The following FOXK2 variants were observed in gnomAD, a reference collection of about 807,000 sequenced individuals.
FOXK2 encodes forkhead box protein K2.
A neutral mutation model predicts 53.3 loss-of-function variants in FOXK2; 24 were observed. That is an observed-to-expected ratio of 0.45 (90% CI 0.33 to 0.63). FOXK2 has a LOEUF of 0.63. Ranked by LOEUF, FOXK2 falls within the 30% of genes least tolerant of loss-of-function variation. The pLI is 0.03. For missense variants in FOXK2, 952 were observed against 910.5 expected (o/e 1.05, Z -0.59); for synonymous variants, 505 against 407.1 (o/e 1.24, Z -2.89).
intron 8 of FOXK2, chr17:82,596,340 CTG>C (rs2045310182): frequency 2.0e-6 from 1 of 510,744 alleles, no homozygotes; most frequent in Non-Finnish European, 2.5e-6. Flanking sequence ...ATCGTTCCTG[CTG>C]TGTTTTCCAT....
At chr17:82,566,243 C>CAA (rs144483444) in intron 2 of FOXK2, among the ~76,000 whole-genome samples, 5 of 143,278 alleles carry the variant, frequency 3.5e-5, no homozygotes, top group South Asian at 2.2e-4. Flanking sequence ...TATTTTACCA[C>CAA]AAAAAAAAAA....
chr17:82,548,276 A>G (rs1323134392), intron 1 of FOXK2, among the ~76,000 whole-genome samples: 1 of 152,092 alleles, frequency 6.6e-6, no homozygotes, highest in Non-Finnish European at 1.5e-5. Flanking sequence ...GTTGCTCCAT[A>G]TCCTTGTCAG....
intron 1 of FOXK2, among the ~76,000 whole-genome samples, chr17:82,552,108 T>A (rs2044682859): frequency 6.6e-6 from 1 of 152,218 alleles, no homozygotes; most frequent in Admixed American, 6.5e-5. Context: ...CCCCTCGCGG[T>A]GGACCAAGGC....
chr17:82,563,591 G>A lies in FOXK2; in HGVS notation c.614+43G>A, dbSNP rs375197792. On this transcript the variant is annotated intron_variant, in intron 2 of 8. Transcript: ENST00000335255. ...GGGGACTGGAGCATCCTTAGTCCCA[G>A]TGGCAGCCCCAAGTAACGCCTTTCT... 10 of 1,555,306 alleles carry A rather than the reference G, an allele frequency of 6.4e-6. No individual in the cohort carries two copies. In the East Asian group the frequency reaches 2.1e-4, roughly 33 times the overall value.
intron 4 of FOXK2, among the ~76,000 whole-genome samples, chr17:82,581,167 C>CT (rs1158085180): frequency 3.3e-5 from 5 of 151,994 alleles, no homozygotes; most frequent in African/African-American, 1.2e-4. Flanking sequence ...CATTTTAACA[C>CT]TTTAATAGCT....
At chr17:82,569,799 G>T (rs1396889544) in intron 3 of FOXK2, among the ~76,000 whole-genome samples, 3 of 151,868 alleles carry the variant, frequency 2.0e-5, no homozygotes, top group Non-Finnish European at 4.4e-5. Context: ...GTTCAAAGCT[G>T]TGGTGAGCTA....
intron 1 of FOXK2, among the ~76,000 whole-genome samples, chr17:82,555,885 CAAAA>C (rs71168116): frequency 1.3e-5 from 1 of 74,216 alleles, no homozygotes; most frequent in Non-Finnish European, 2.5e-5. Context: ...GACTCTATCA[CAAAA>C]AAAAAAAAAA....
chr17:82,570,189 T>C (rs2044901348), intron 3 of FOXK2, among the ~76,000 whole-genome samples: 1 of 150,656 alleles, frequency 6.6e-6, no homozygotes, highest in Non-Finnish European at 1.5e-5. Flanking sequence ...GCCACTGCAC[T>C]CCAGCCTGAG....
Position 82,603,798 on chromosome 17 carries a change from G to A in FOXK2, c.*2299G>A, listed in dbSNP as rs1056531880. On this transcript the variant is annotated 3_prime_UTR_variant, in exon 9 of 9. Transcript: ENST00000335255. Reference sequence around the variant, plus strand: ...GAAGTGTGCCTCTCACAGATGGAAGGTGCACACGCTCCTGTCTCCTCCTCA... The same window carrying A: ...GAAGTGTGCCTCTCACAGATGGAAGATGCACACGCTCCTGTCTCCTCCTCA... The A allele has an allele frequency of 3.3e-5, 5 of 151,344 alleles. No homozygotes were observed. The highest frequency in any genetic ancestry group is 2.4e-5 in the African/African-American group (1 of 41,092). The allele number at this position is 151,344 out of a possible 1,614,324, so 9.4% of individuals were successfully genotyped here.
chr17:82,586,947 T>G, intron 7 of FOXK2, 116 bp from the exon 8 acceptor site: 2 of 952,700 alleles, frequency 2.1e-6, no homozygotes, highest in Non-Finnish European at 3.3e-6. Context: ...TTGCTGTTTG[T>G]TTTAGAGACA....
chr17:82,581,332 T>C (rs1208369093), intron 4 of FOXK2, among the ~76,000 whole-genome samples: 3 of 152,132 alleles, frequency 2.0e-5, no homozygotes, highest in Non-Finnish European at 4.4e-5. Flanking sequence ...GGAGTCTTGC[T>C]TCTATTGCCC....
chr17:82,532,303 C>G (rs2044479700), intron 1 of FOXK2, among the ~76,000 whole-genome samples: 1 of 149,452 alleles, frequency 6.7e-6, no homozygotes, highest in South Asian at 2.1e-4. Flanking sequence ...CGAGACCAGC[C>G]CAGCTAGTTT....
chr17:82,533,981 A>C (rs1359542811), intron 1 of FOXK2, among the ~76,000 whole-genome samples: 2 of 151,452 alleles, frequency 1.3e-5, no homozygotes, highest in Non-Finnish European at 2.9e-5. Context: ...CCCAGGCAAC[A>C]GAAGGGGAGA....
chr17:82,596,085 CATT>C (rs2045307203), intron 8 of FOXK2: 1 of 956,774 alleles, frequency 1.0e-6, no homozygotes, highest in South Asian at 2.5e-5. Context: ...TTTGTAGACA[CATT>C]AGAGTCGGTT....
At chr17:82,586,769 C>T (rs550931452) in intron 7 of FOXK2, among the ~76,000 whole-genome samples, 10 of 152,110 alleles carry the variant, frequency 6.6e-5, no homozygotes, top group South Asian at 4.2e-4. Context: ...GGCATGGTGG[C>T]GGGTGCCTGT....
rs2044899334 is a variant in FOXK2 at position 82,570,089 on chromosome 17, G to C, written c.763-1635G>C. On this transcript the variant is annotated intron_variant, in intron 3 of 8. Transcript: ENST00000335255. ...TACAAAAAATTAGCTGGGCGTGTTG[G>C]CAGGCGCCTGTAGTCCCAGCTACTC... is the stretch of plus-strand genomic sequence containing the variant. 2.6e-5 allele frequency among the ~76,000 whole-genome samples: 4 copies of C among 152,100 alleles called. No homozygotes were observed. In the South Asian group the frequency reaches 8.3e-4, roughly 32 times the overall value.
rs576830806 is a variant in FOXK2, at chr17:82,557,453, C to T, written c.420-5901C>T. 1.8e-4 allele frequency among the ~76,000 whole-genome samples: 28 copies of T among 152,074 alleles called. 1 individual carries two copies. The East Asian group carries it at 4.8e-3, about 26-fold the overall frequency. ...CCGCTCCCCAGGTTCAAGCGATTCTCGTGCCTCAGCCTCCCAAGTAGCTGG... is the reference window on the plus strand; with the variant it reads ...CCGCTCCCCAGGTTCAAGCGATTCTTGTGCCTCAGCCTCCCAAGTAGCTGG... On this transcript the variant is annotated intron_variant, in intron 1 of 8. Coordinates refer to ENST00000335255, the MANE Select transcript of FOXK2 (RefSeq NM_004514.4).
chr17:82,540,508 G>T (rs1232861738), intron 1 of FOXK2, among the ~76,000 whole-genome samples: 1 of 152,136 alleles, frequency 6.6e-6, no homozygotes. Context: ...CCATCCCATT[G>T]GCCTGGATGC....
intron 4 of FOXK2, among the ~76,000 whole-genome samples, chr17:82,582,165 C>G (rs1444585286): frequency 6.6e-6 from 1 of 152,168 alleles, no homozygotes; most frequent in African/African-American, 2.4e-5. Flanking sequence ...CTGTTTGTCT[C>G]CAAGCAGGGA....
Sources: allele counts gnomAD v4.1 joint callset (sites outside exome capture counted in the v4.1 genomes callset), GRCh38; gene constraint gnomAD v4.1.1; transcripts MANE v1.5; gene names NCBI Gene and HGNC (gene_info 2026-07-23, HGNC 2026-07-21).